The following WARS2 variants were observed in gnomAD, a reference collection of about 807,000 sequenced individuals.
WARS2 encodes the protein tryptophan--tRNA ligase, mitochondrial.
A neutral mutation model predicts 36.5 loss-of-function variants in WARS2; 28 were observed. The observed-to-expected ratio is 0.77, with a 90% confidence interval of 0.57 to 1.05. WARS2 has a LOEUF of 1.05. Ranked by LOEUF, WARS2 falls within the 50% of genes least tolerant of loss-of-function variation. WARS2 has a pLI of 0.00. For synonymous variants in WARS2, 174 were observed against 178.4 expected, an observed-to-expected ratio of 0.98 and a Z score of 0.20; for missense variants, 435 against 456.8, an observed-to-expected ratio of 0.95 and a Z score of 0.44.
chr1:119,077,853 T>C (rs1379577867), intron 1 of WARS2, among the ~76,000 whole-genome samples: 1 of 152,146 alleles, frequency 6.6e-6, no homozygotes, highest in Non-Finnish European at 1.5e-5. Flanking sequence ...TATGTATCAA[T>C]AAATATACTG....
At chr1:119,091,529 T>C (rs1020593332) in intron 1 of WARS2, among the ~76,000 whole-genome samples, 1 of 152,220 alleles carries the variant, frequency 6.6e-6, no homozygotes, top group Non-Finnish European at 1.5e-5. Context: ...TTCACTAGAA[T>C]GTATGGCCTA....
intron 2 of WARS2, among the ~76,000 whole-genome samples, chr1:119,061,226 G>A (rs1447702824): frequency 6.6e-6 from 1 of 152,110 alleles, no homozygotes; most frequent in East Asian, 1.9e-4. Context: ...AGTCAATGGA[G>A]ACCAAACCCG....
At chr1:119,077,051 T>C (rs111401019) in intron 1 of WARS2, among the ~76,000 whole-genome samples, 1,725 of 141,176 alleles carry the variant, frequency 0.012, 35 homozygotes, top group African/African-American at 0.043. Context: ...GGTGGGAGAA[T>C]TGCTTGAACC....
chr1:119,049,771 T>C (rs949101781), intron 2 of WARS2, among the ~76,000 whole-genome samples: 3 of 152,222 alleles, frequency 2.0e-5, no homozygotes, highest in Non-Finnish European at 4.4e-5. Context: ...ATCTAATCCA[T>C]TGGCAAATCT....
At chr1:119,113,150 C>G (rs146596731) in intron 1 of WARS2, among the ~76,000 whole-genome samples, 3 of 152,218 alleles carry the variant, frequency 2.0e-5, no homozygotes, top group African/African-American at 7.2e-5. Flanking sequence ...GGATTTGAAG[C>G]CATTCAAAAT....
chr1:119,119,374 T>C (rs765270288), intron 1 of WARS2, among the ~76,000 whole-genome samples: 2 of 152,130 alleles, frequency 1.3e-5, no homozygotes, highest in Non-Finnish European at 2.9e-5. Flanking sequence ...ATCACAATCC[T>C]AAATATATAT....
intron 2 of WARS2, among the ~76,000 whole-genome samples, chr1:119,052,050 G>A (rs937428362): frequency 3.9e-5 from 6 of 151,952 alleles, no homozygotes; most frequent in Admixed American, 6.6e-5. Flanking sequence ...GTAAGTCACC[G>A]CACCCGGCCC....
chr1:119,055,482 G>A (rs1027194016), intron 2 of WARS2, among the ~76,000 whole-genome samples: 6 of 151,984 alleles, frequency 3.9e-5, no homozygotes, highest in Non-Finnish European at 5.9e-5. Flanking sequence ...AGGCATGGTG[G>A]TACAAAAAGG....
At chr1:119,080,640 T>A (rs1652115364) in intron 1 of WARS2, among the ~76,000 whole-genome samples, 1 of 152,010 alleles carries the variant, frequency 6.6e-6, no homozygotes, top group Non-Finnish European at 1.5e-5. Context: ...CTGCAGTGAG[T>A]TTATGTTCCC....
At chr1:119,070,884 T>C (rs1651252861) in intron 2 of WARS2, among the ~76,000 whole-genome samples, 1 of 152,090 alleles carries the variant, frequency 6.6e-6, no homozygotes, top group African/African-American at 2.4e-5. Flanking sequence ...AAAATGACTA[T>C]TATTAAAAAG....
At chr1:119,134,341 A>AAAC (rs67234683) in intron 1 of WARS2, among the ~76,000 whole-genome samples, 4 of 148,216 alleles carry the variant, frequency 2.7e-5, no homozygotes, top group Non-Finnish European at 6.0e-5. Flanking sequence ...AAAAAAAAAA[A>AAAC]CAAAGACAAA....
intron 1 of WARS2, among the ~76,000 whole-genome samples, chr1:119,093,174 A>G (rs993368139): frequency 6.6e-6 from 1 of 152,176 alleles, no homozygotes; most frequent in Non-Finnish European, 1.5e-5. Flanking sequence ...GAGAAGTCTT[A>G]TGAGAAATAT....
intron 1 of WARS2, chr1:119,085,997 C>A: frequency 6.3e-7 from 1 of 1,599,104 alleles, no homozygotes; most frequent in Non-Finnish European, 8.5e-7. Flanking sequence ...AGTGCCCAGG[C>A]AAGGCAGTGT....
intron 4 of WARS2, among the ~76,000 whole-genome samples, chr1:119,037,101 C>A (rs1288301948): frequency 6.6e-6 from 1 of 152,162 alleles, no homozygotes; most frequent in Non-Finnish European, 1.5e-5. Flanking sequence ...TTATACCCTG[C>A]ATAATGATAT....
rs76305561 is a variant in WARS2 at position 119,049,706 on chromosome 1, C to G, written c.349-4044G>C. On this transcript the variant is annotated intron_variant, in intron 2 of 5. Coordinates refer to ENST00000235521, the MANE Select transcript of WARS2 (RefSeq NM_015836.4). The stretch of plus-strand genomic sequence containing the variant: ...GATGGTAACTCCAACTCTGCAGTTG[C>G]TTAGGCAAAAACCTTGGCATCATTC... 7.8e-3 allele frequency among the ~76,000 whole-genome samples: 1,188 copies of G among 152,328 alleles called. 14 individuals are homozygous for G. The highest frequency in any genetic ancestry group is 0.027 in the African/African-American group (1,129 of 41,570).
At chr1:119,059,311 T>A (rs1650166101) in intron 2 of WARS2, among the ~76,000 whole-genome samples, 1 of 151,922 alleles carries the variant, frequency 6.6e-6, no homozygotes, top group South Asian at 2.1e-4. Context: ...TTAGTTTAAT[T>A]AGATCCCATT....
At chr1:119,082,584 T>C (rs112120368) in intron 1 of WARS2, 13 of 333,210 alleles carry the variant, frequency 3.9e-5, no homozygotes, top group African/African-American at 2.7e-4. Flanking sequence ...CTATATTCCT[T>C]CCATCACACT....
chr1:119,140,519 T>C, intron 1 of WARS2, 36 bp downstream of exon 1: 1 of 1,599,238 alleles, frequency 6.3e-7, no homozygotes, highest in Non-Finnish European at 8.6e-7. Context: ...CCTCGCGGGA[T>C]GGGAAGCCGC....
chr1:119,122,494 A>G (rs1022062376), intron 1 of WARS2, among the ~76,000 whole-genome samples: 5 of 152,230 alleles, frequency 3.3e-5, no homozygotes, highest in Admixed American at 3.3e-4. Context: ...AGATTCCTTA[A>G]AGAATTAAAA....
Sources: gnomAD v4.1 joint callset for allele counts (sites outside exome capture counted in the v4.1 genomes callset) on GRCh38, gnomAD v4.1.1 for gene constraint, MANE v1.5 for transcripts, NCBI Gene and HGNC (gene_info 2026-07-23, HGNC 2026-07-21) for gene names.